The following ERI3 variants were observed in gnomAD, a reference collection of about 807,000 sequenced individuals.
ERI3 encodes ERI1 exoribonuclease family member 3.
In ERI3, 18 loss-of-function variants were observed where a neutral mutation model predicts 44.4. The observed-to-expected ratio is 0.41, with a 90% confidence interval of 0.28 to 0.60. The LOEUF is 0.60. Among genes scored for constraint, ERI3 ranks in the 20% least tolerant of loss-of-function variants. The pLI is 0.36. For missense variants in ERI3, 294 were observed against 435.5 expected, an observed-to-expected ratio of 0.68 and a Z score of 2.89; for synonymous variants, 183 against 164.8, an observed-to-expected ratio of 1.11 and a Z score of -0.84.
At chr1:44,308,231 A>C in intron 6 of ERI3, 79 bp downstream of exon 6, 1 of 983,256 alleles carries the variant, frequency 1.0e-6, no homozygotes, top group Non-Finnish European at 1.6e-6. Context: ...TGCCTTGTAG[A>C]CATTTAAGCC....
chr1:44,350,732 A>G (rs1646872140), intron 2 of ERI3, among the ~76,000 whole-genome samples: 1 of 152,028 alleles, frequency 6.6e-6, no homozygotes, highest in Non-Finnish European at 1.5e-5. Context: ...TTTTTTATTT[A>G]TAAGAAAAGC....
At chr1:44,354,180 G>A in intron 1 of ERI3, 1 of 985,422 alleles carries the variant, frequency 1.0e-6, no homozygotes, top group African/African-American at 1.7e-5. Flanking sequence ...CACTCTTTTA[G>A]CCAATAGGAT....
chr1:44,310,954 C>CGCGCGCGCGCGCGT (rs1414712009), intron 5 of ERI3, among the ~76,000 whole-genome samples: 4 of 69,014 alleles, frequency 5.8e-5, no homozygotes, highest in African/African-American at 6.5e-5. Context: ...GTGCACATCG[C>CGCGCGCGCGCGCGT]GCGCGCGCGC....
At chr1:44,279,475 C>G (rs1448744946) in intron 7 of ERI3, among the ~76,000 whole-genome samples, 1 of 152,180 alleles carries the variant, frequency 6.6e-6, no homozygotes, top group East Asian at 1.9e-4. Flanking sequence ...ATCCTCCCAC[C>G]TCAGCCTCCC....
chr1:44,333,334 TGTCTGTACAGAAAAAA>T (rs1284109260), intron 3 of ERI3, among the ~76,000 whole-genome samples: 1 of 152,260 alleles, frequency 6.6e-6, no homozygotes, highest in Non-Finnish European at 1.5e-5. Flanking sequence ...CGCCTTCGCC[TGTCTGTACAGAAAAAA>T]GTACATGCTG....
At position 44,241,820 on chromosome 1, in the gene ERI3, A is replaced by G. The variant is rs1644443390; in HGVS notation, c.931+6119T>C. ...ACACACATAACACATACATACATAC[A>G]TACATACATACATACATACATACAT... On this transcript the variant is annotated intron_variant, in intron 8 of 8. Transcript: ENST00000372257. This position sits in a 1 kb window ranked among gnomAD's most constrained non-coding sequence, Gnocchi z 5.6. 1 of 217,546 alleles carries G rather than the reference A, an allele frequency of 4.6e-6. No individual in the cohort carries two copies. Among genetic ancestry groups the G allele is most frequent in the African/African-American group, 2.4e-5 (1 of 42,456 alleles). The allele number at this position is 217,546 out of a possible 1,614,324, so 13.5% of individuals were successfully genotyped here.
At chr1:44,234,384 G>C (rs1208653925) in intron 8 of ERI3, among the ~76,000 whole-genome samples, 1 of 152,080 alleles carries the variant, frequency 6.6e-6, no homozygotes, top group Non-Finnish European at 1.5e-5. Flanking sequence ...TAAAACCCGG[G>C]CTGGGCGTGG....
intron 8 of ERI3, chr1:44,243,332 C>G (rs1415564610): frequency 6.6e-6 from 1 of 152,348 alleles, no homozygotes; most frequent in African/African-American, 2.4e-5. Context: ...TCCAGTTACT[C>G]TCCTAGCCAG....
chr1:44,222,024 C>G (rs981880337), intron 8 of ERI3, among the ~76,000 whole-genome samples: 1 of 152,242 alleles, frequency 6.6e-6, no homozygotes, highest in Non-Finnish European at 1.5e-5. Context: ...ACGGCCCGTC[C>G]GCCACACTCC....
At chr1:44,329,501 C>A (rs1646385156) in intron 3 of ERI3, among the ~76,000 whole-genome samples, 1 of 152,238 alleles carries the variant, frequency 6.6e-6, no homozygotes, top group Non-Finnish European at 1.5e-5. Flanking sequence ...GTTCAGTTGA[C>A]CAGCTGGCCT....
At chr1:44,268,924 G>A (rs1237889459) in intron 7 of ERI3, among the ~76,000 whole-genome samples, 4 of 152,102 alleles carry the variant, frequency 2.6e-5, no homozygotes, top group Non-Finnish European at 5.9e-5. Context: ...AAAGCATTTG[G>A]CTTCAGTCCA....
chr1:44,282,669 A>G (rs1645313142), intron 7 of ERI3, among the ~76,000 whole-genome samples: 1 of 152,050 alleles, frequency 6.6e-6, no homozygotes, highest in African/African-American at 2.4e-5. Flanking sequence ...GAGTTAAGCC[A>G]CCTCTCCTGT....
At chr1:44,315,544 C>T (rs1189074146) in intron 4 of ERI3, among the ~76,000 whole-genome samples, 4 of 152,230 alleles carry the variant, frequency 2.6e-5, no homozygotes, top group Non-Finnish European at 1.5e-5. Context: ...CATCCTGGGG[C>T]TTTCACAAAC....
chr1:44,251,854 C>T (rs1162154243), intron 7 of ERI3, among the ~76,000 whole-genome samples: 1 of 152,184 alleles, frequency 6.6e-6, no homozygotes, highest in Non-Finnish European at 1.5e-5. Flanking sequence ...TGCCTGCTCC[C>T]TCTCACTGCT....
intron 2 of ERI3, among the ~76,000 whole-genome samples, chr1:44,342,901 G>A (rs1279297007): frequency 9.9e-6 from 1 of 101,002 alleles, no homozygotes; most frequent in Non-Finnish European, 1.8e-5. Flanking sequence ...AGAGATAAGA[G>A]TCTCACTACG....
Position 44,308,381 on chromosome 1 carries a change from C to T in ERI3, c.687G>A (p.Ala229=), listed in dbSNP as rs369748957. 1.4e-5 allele frequency: 22 copies of T among 1,614,004 alleles called. No individual in the cohort carries two copies. Among genetic ancestry groups the T allele is most frequent in the East Asian group, 4.5e-5 (2 of 44,900 alleles). Residue 229 remains alanine (A), a synonymous_variant, in exon 6 of 9, where the codon GCG becomes GCA. Coordinates refer to ENST00000372257, the MANE Select transcript of ERI3 (RefSeq NM_024066.3). ...CGTTTGGATCTAAGAGGCCTTCCTT[C>T]GCCATCCATTCATCGACCCTCTGAA... The part of the protein sequence containing the change: ...QVLERVDEWM[A]KEGLLDPNVK...
At chr1:44,243,881 A>G (rs1281192620) in intron 8 of ERI3, 1 of 152,158 alleles carries the variant, frequency 6.6e-6, no homozygotes, top group African/African-American at 2.4e-5. Flanking sequence ...TCATAGTTCC[A>G]CAGTGATAAC....
chr1:44,346,554 T>A (rs1306760405), intron 2 of ERI3, among the ~76,000 whole-genome samples: 2 of 152,070 alleles, frequency 1.3e-5, no homozygotes, highest in Non-Finnish European at 2.9e-5. Flanking sequence ...TAACACACCA[T>A]AAATAGACTA....
chr1:44,354,977 T>A lies in ERI3; in HGVS notation c.50A>T (p.Glu17Val). ...AADGGRGRPW[E>V]GGLVSWPPAP... is the part of the protein sequence containing the mutation. ...GGGGGGCCAGGAGACCAGCCCTCCT[T>A]CCCAGGGCCGCCCCCGCCCCCCGTC... The change falls in exon 1 of 9, where the codon GAA (glutamate) becomes GTA (valine). Residue 17 changes from glutamate to valine, a missense_variant. Around this residue, in one of 2 missense-constraint regions of ERI3, gnomAD observed 107 missense variants for 96.9 expected, o/e 1.10. Transcript: ENST00000372257. The A allele has an allele frequency of 7.3e-7, 1 of 1,366,938 alleles. No individual in the cohort carries two copies. Among genetic ancestry groups the A allele is most frequent in the African/African-American group, 1.5e-5 (1 of 66,808 alleles). 84.7% of individuals were successfully genotyped at this position (1,366,938 alleles called of 1,614,324 possible).
Sources: allele counts gnomAD v4.1 joint callset (sites outside exome capture counted in the v4.1 genomes callset), GRCh38; gene constraint gnomAD v4.1.1; regional missense constraint gnomAD v4.1.1; non-coding constraint Gnocchi (gnomAD v3.1); transcripts MANE v1.5; gene names NCBI Gene and HGNC (gene_info 2026-07-23, HGNC 2026-07-21).